The following VDAC1 variants were observed in gnomAD, a reference collection of about 807,000 sequenced individuals.
VDAC1 encodes the protein voltage dependent anion channel 1.
A neutral mutation model predicts 34.7 loss-of-function variants in VDAC1; 10 were observed. That is an observed-to-expected ratio of 0.29 (90% confidence interval 0.18 to 0.49). The LOEUF (loss-of-function observed/expected upper bound fraction) is 0.49, where lower values mean the gene tolerates loss of function less well. VDAC1 is among the 20% of genes least tolerant of loss of function. The pLI, the probability that VDAC1 is intolerant of heterozygous loss-of-function variation, is 0.99. For missense variants in VDAC1, 230 were observed against 347.9 expected (o/e 0.66, Z 2.69); for synonymous variants, 130 against 136.0 (o/e 0.96, Z 0.30).
At chr5:134,081,913 G>C in the VDAC1 span, 1 of 157,360 alleles carries the variant, frequency 6.4e-6, no homozygotes, top group African/African-American at 2.4e-5. Flanking sequence ...TCGGCCTCAT[G>C]AACTAGGGGG....
upstream of VDAC1, among the ~76,000 whole-genome samples, chr5:134,009,510 G>A (rs917043081): frequency 2.0e-5 from 3 of 151,424 alleles, no homozygotes; most frequent in African/African-American, 4.8e-5. Context: ...GCCGGCCTCC[G>A]CCTCCCAAAG....
intron 1 of VDAC1, among the ~76,000 whole-genome samples, chr5:133,993,237 T>C (rs1753171118): frequency 6.6e-6 from 1 of 152,192 alleles, no homozygotes; most frequent in Non-Finnish European, 1.5e-5. Flanking sequence ...TGTTGACAGA[T>C]GATCAACAAT....
chr5:134,001,779 G>A (rs999703924), intron 1 of VDAC1, among the ~76,000 whole-genome samples: 12 of 150,580 alleles, frequency 8.0e-5, no homozygotes, highest in Non-Finnish European at 1.3e-4. Context: ...TGACCTGTAT[G>A]AGACCGACCC....
At chr5:134,080,621 C>T in the VDAC1 span, among the ~76,000 whole-genome samples, 1 of 147,874 alleles carries the variant, frequency 6.8e-6, no homozygotes, top group Non-Finnish European at 1.5e-5. Flanking sequence ...AGTGTTGGGG[C>T]ACCAACAACA....
At chr5:134,095,510 A>AATCAATC in the VDAC1 span, among the ~76,000 whole-genome samples, 15 of 146,240 alleles carry the variant, frequency 1.0e-4, no homozygotes, top group African/African-American at 3.9e-4. Context: ...ATAAATAAAT[A>AATCAATC]AATAAATAAA....
chr5:133,981,574 T>TGTTA (rs371631977), intron 5 of VDAC1, among the ~76,000 whole-genome samples: 1 of 152,132 alleles, frequency 6.6e-6, no homozygotes, highest in African/African-American at 2.4e-5. Flanking sequence ...GGCCAGGAAG[T>TGTTA]GTTAGTTAGC....
the VDAC1 span, among the ~76,000 whole-genome samples, chr5:134,043,788 C>T: frequency 2.0e-5 from 3 of 152,158 alleles, no homozygotes; most frequent in African/African-American, 7.2e-5. Flanking sequence ...CCATCTTGGC[C>T]TCTCAAAGTG....
At chr5:134,033,105 A>G in the VDAC1 span, among the ~76,000 whole-genome samples, 5 of 151,992 alleles carry the variant, frequency 3.3e-5, no homozygotes, top group African/African-American at 1.2e-4. Context: ...GAAAAAGAGA[A>G]AGAAAATATA....
intron 5 of VDAC1, among the ~76,000 whole-genome samples, chr5:133,984,498 T>C (rs1039788605): frequency 3.4e-5 from 5 of 146,762 alleles, no homozygotes; most frequent in Admixed American, 6.9e-5. Context: ...TTACCTAGGC[T>C]GGTCTCCAAC....
the VDAC1 span, among the ~76,000 whole-genome samples, chr5:134,017,931 A>C: frequency 2.0e-5 from 3 of 152,230 alleles, no homozygotes; most frequent in Non-Finnish European, 4.4e-5. Flanking sequence ...AAATAAAAAC[A>C]AATAACTGAA....
chr5:134,070,144 TTTC>T, the VDAC1 span, among the ~76,000 whole-genome samples: 1 of 152,180 alleles, frequency 6.6e-6, no homozygotes, highest in Non-Finnish European at 1.5e-5. Context: ...ATTCCTTTAC[TTTC>T]TTATTTTTTT....
the VDAC1 span, among the ~76,000 whole-genome samples, chr5:134,017,411 A>G: frequency 6.6e-6 from 1 of 152,056 alleles, no homozygotes. Context: ...AGCTGAGATC[A>G]CACCATCGCA....
At chr5:134,023,032 T>C in the VDAC1 span, among the ~76,000 whole-genome samples, 14 of 152,316 alleles carry the variant, frequency 9.2e-5, no homozygotes, top group African/African-American at 3.4e-4. Context: ...CGCATATGTT[T>C]ACTGCAGCAC....
chr5:134,113,138 C>T, the VDAC1 span, among the ~76,000 whole-genome samples: 1 of 152,198 alleles, frequency 6.6e-6, no homozygotes, highest in Non-Finnish European at 1.5e-5. Context: ...CCCGCCAATC[C>T]GGAGCAGATG....
the VDAC1 span, among the ~76,000 whole-genome samples, chr5:134,064,272 T>A: frequency 6.6e-6 from 1 of 152,076 alleles, no homozygotes; most frequent in African/African-American, 2.4e-5. Flanking sequence ...TGAGCCATCA[T>A]ACCCAGCTGA....
chr5:134,102,305 A>T, the VDAC1 span, among the ~76,000 whole-genome samples: 1 of 151,988 alleles, frequency 6.6e-6, no homozygotes, highest in East Asian at 1.9e-4. Flanking sequence ...TGAATGGAGC[A>T]GACTCCCCAG....
intron 1 of VDAC1, among the ~76,000 whole-genome samples, chr5:133,997,127 G>T (rs1753346304): frequency 6.6e-6 from 1 of 152,200 alleles, no homozygotes; most frequent in Non-Finnish European, 1.5e-5. Context: ...CAGTGAGGGT[G>T]TGGAAAACAG....
the VDAC1 span, among the ~76,000 whole-genome samples, chr5:134,073,764 A>C: frequency 6.6e-6 from 1 of 152,240 alleles, no homozygotes; most frequent in South Asian, 2.1e-4. Flanking sequence ...AACATGTACC[A>C]GTAGCTGAAA....
the VDAC1 span, among the ~76,000 whole-genome samples, chr5:134,108,631 A>T: frequency 1.3e-5 from 2 of 152,070 alleles, no homozygotes; most frequent in Admixed American, 1.3e-4. Context: ...ATATACTGGG[A>T]GGTAGTCTAT....
Sources: allele counts gnomAD v4.1 joint callset (sites outside exome capture counted in the v4.1 genomes callset), GRCh38; gene constraint gnomAD v4.1.1; transcripts MANE v1.5; gene names NCBI Gene and HGNC (gene_info 2026-07-23, HGNC 2026-07-21).